TERT: variants seen among roughly 807,000 people sequenced by gnomAD.
TERT encodes the protein telomerase catalytic subunit.
In TERT, 42 loss-of-function variants were observed where a neutral mutation model predicts 104.0. That is an observed-to-expected ratio of 0.40 (90% CI 0.32 to 0.52). The LOEUF is 0.52. Ranked by LOEUF, TERT falls within the 20% of genes least tolerant of loss-of-function variation. The probability of loss-of-function intolerance (pLI) is 0.43; values close to 1 mark genes in which losing one functional copy is unlikely to be tolerated. For missense variants in TERT, 1,101 were observed against 1,610.3 expected (o/e 0.68, Z 5.41); for synonymous variants, 781 against 725.6 (o/e 1.08, Z -1.23).
At chr5:1,271,565 C>A (rs1749037819) in intron 7 of TERT, among the ~76,000 whole-genome samples, 1 of 151,762 alleles carries the variant, frequency 6.6e-6, no homozygotes, top group Admixed American at 6.6e-5. Flanking sequence ...ACCCTGGGAG[C>A]CAAGGAAATT....
intron 2 of TERT, among the ~76,000 whole-genome samples, chr5:1,290,171 G>A (rs577508248): frequency 1.1e-5 from 1 of 87,188 alleles, no homozygotes; most frequent in Non-Finnish European, 2.1e-5. Context: ...GGGACACCCG[G>A]GGACAGTGCC....
rs572330174 is a variant in TERT, at chr5:1,278,239, G to A, written c.2286+402C>T. ...CCCGAGAGCGTGAGGACAATGGTGCGGACCATGCCTGGAGGAGGAAGGAGT... is the reference window on the plus strand; with the variant it reads ...CCCGAGAGCGTGAGGACAATGGTGCAGACCATGCCTGGAGGAGGAAGGAGT... On this transcript the variant is annotated intron_variant, in intron 6 of 15. Transcript: ENST00000310581. 7.2e-5 allele frequency among the ~76,000 whole-genome samples: 11 copies of A among 152,288 alleles called. No homozygotes were observed. In the East Asian group the frequency reaches 9.6e-4, roughly 13 times the overall value.
intron 1 of TERT, 43 bp from the exon 2 acceptor site, chr5:1,294,709 T>G: frequency 6.3e-7 from 1 of 1,578,212 alleles, no homozygotes; most frequent in South Asian, 1.1e-5. Flanking sequence ...GCTCTCCGCA[T>G]GTCGCTGGTT....
At chr5:1,266,435 TC>T (rs1748608404) in intron 10 of TERT, 28 bp downstream of exon 10, 2 of 1,579,544 alleles carry the variant, frequency 1.3e-6, no homozygotes, top group Middle Eastern at 1.7e-4. Context: ...GCTGTGGAGG[TC>T]CCCACAGACA....
At chr5:1,290,112 C>A (rs1750786342) in intron 2 of TERT, among the ~76,000 whole-genome samples, 1 of 74,888 alleles carries the variant, frequency 1.3e-5, no homozygotes, top group Admixed American at 1.2e-4. Flanking sequence ...TCACCCTGCA[C>A]GTGACAGGGA....
At position 1,268,673 on chromosome 5, in the gene TERT, G is replaced by T; in HGVS notation, c.2469-40C>A. ...CACAGGTGAGAGACGGGCAGGGCAT[G>T]TGCTGGACATGCGTACACTCAAACC... On this transcript the variant is annotated intron_variant, in intron 8 of 15. Transcript: ENST00000310581. The surrounding 1 kb of genome is among the most constrained non-coding windows in gnomAD (Gnocchi z 5.5). The T allele has an allele frequency of 1.4e-6, 2 of 1,458,924 alleles. No individual in the cohort carries two copies. Among genetic ancestry groups the T allele is most frequent in the Non-Finnish European group, 1.9e-6 (2 of 1,041,320 alleles). The allele number at this position is 1,458,924 out of a possible 1,614,324, so 90.4% of individuals were successfully genotyped here.
At position 1,288,222 on chromosome 5, in the gene TERT, C is replaced by T. The variant is rs1290288281; in HGVS notation, c.1573+5091G>A. On this transcript the variant is annotated intron_variant, in intron 2 of 15. Transcript: ENST00000310581. The surrounding 1 kb of genome is among the most constrained non-coding windows in gnomAD (Gnocchi z 5.3). ...AACACTTTGAAGTATTTTAAGAACA[C>T]TTGAAAGTGGCTGATGTTGAGATTA... 6.6e-6 allele frequency among the ~76,000 whole-genome samples: 1 copy of T among 152,080 alleles called. No homozygotes were observed. The highest frequency in any genetic ancestry group is 1.5e-5 in the Non-Finnish European group (1 of 68,008).
At chr5:1,280,039 G>T in intron 4 of TERT, 119 bp downstream of exon 4, 2 of 1,348,988 alleles carry the variant, frequency 1.5e-6, no homozygotes, top group Non-Finnish European at 2.1e-6. Flanking sequence ...TTGGCGCCGT[G>T]CCATGGCCCT....
chr5:1,278,103 C>T (rs1642990638), intron 6 of TERT, among the ~76,000 whole-genome samples: 1 of 152,198 alleles, frequency 6.6e-6, no homozygotes, highest in Non-Finnish European at 1.5e-5. Flanking sequence ...ACCAGCATCC[C>T]TACTCTCCTC....
At position 1,273,958 on chromosome 5, in the gene TERT, G is replaced by A. The variant is rs561947207; in HGVS notation, c.2287-1678C>T. Among the ~76,000 whole-genome samples the A allele has an allele frequency of 1.6e-3, 239 of 152,342 alleles. 1 individual carries two copies. The South Asian group carries it at 0.022, about 14-fold the overall frequency. On this transcript the variant is annotated intron_variant, in intron 6 of 15. Transcript: ENST00000310581. ...AGGCAGGAGAAGAGTCTGAAGACGC[G>A]GGAGAGAGACCGGCACCCCCACCTC... is the stretch of plus-strand genomic sequence containing the variant.
chr5:1,281,500 T>C (rs1171641470), intron 3 of TERT, among the ~76,000 whole-genome samples: 2 of 152,232 alleles, frequency 1.3e-5, no homozygotes, highest in Non-Finnish European at 2.9e-5. Context: ...GCTAATACCA[T>C]GGCCTGGGCT....
Position 1,289,299 on chromosome 5 carries a change from C to G in TERT, c.1573+4014G>C, listed in dbSNP as rs1337716084. ...TGAGAGGGACACCCAGGGACGGCGC[C>G]TCACTCACCCTACACGTGACAGAGA... is the stretch of plus-strand genomic sequence containing the variant. On this transcript the variant is annotated intron_variant, in intron 2 of 15. Coordinates refer to ENST00000310581, the MANE Select transcript of TERT (RefSeq NM_198253.3). 3.4e-4 allele frequency among the ~76,000 whole-genome samples: 49 copies of G among 144,400 alleles called. 1 individual carries two copies. Among genetic ancestry groups the G allele is most frequent in the African/African-American group, 1.2e-3 (46 of 38,442 alleles). The allele number at this position is 144,400 out of a possible 152,430, so 94.7% of individuals were successfully genotyped here.
In TERT at chr5:1,293,500, G is replaced by A. The variant is rs1198114367; in HGVS notation, c.1386C>T (p.Tyr462=). 2.5e-6 allele frequency: 4 copies of A among 1,582,088 alleles called. No individual in the cohort carries two copies. The highest frequency in any genetic ancestry group is 1.8e-5 in the Admixed American group (1 of 54,950). The change falls in exon 2 of 16, where the codon TAC becomes TAT. Residue 462 remains tyrosine (Y), a synonymous_variant. Coordinates refer to ENST00000310581, the MANE Select transcript of TERT (RefSeq NM_198253.3). ...LRQHSSPWQV[Y]GFVRACLRRL... ...GGCGCAGGCAGGCCCGCACGAAGCC[G>A]TACACCTGCCAGGGGCTGCTGTGCT...
In TERT at chr5:1,282,296, G is replaced by A. The variant is rs1049534306; in HGVS notation, c.1769+133C>T. 98 of 916,716 alleles carry A rather than the reference G, an allele frequency of 1.1e-4. 1 individual carries two copies. In the African/African-American group the frequency reaches 1.5e-3, roughly 14 times the overall value. The allele number at this position is 916,716 out of a possible 1,614,324, so 56.8% of individuals were successfully genotyped here. A position where few individuals can be genotyped will look rare whatever the true frequency, so the allele number is the denominator to read the frequency against. On this transcript the variant is annotated intron_variant, in intron 3 of 15. Coordinates refer to ENST00000310581, the MANE Select transcript of TERT (RefSeq NM_198253.3). ...CAGAATCCACTTGGACCAGGCCTGTGACGGGGCCCCTGGCTCCCAGCCCAG... is the reference window on the plus strand; with the variant it reads ...CAGAATCCACTTGGACCAGGCCTGTAACGGGGCCCCTGGCTCCCAGCCCAG...
intron 2 of TERT, among the ~76,000 whole-genome samples, chr5:1,291,612 C>A (rs1398818215): frequency 6.1e-5 from 8 of 131,700 alleles, no homozygotes; most frequent in Admixed American, 1.5e-4. Context: ...CAGTGCCTCA[C>A]TCACCCTGCA....
chr5:1,294,520 G>C lies in TERT; in HGVS notation c.366C>G (p.Tyr122Ter), dbSNP rs1272884946. 1 of 1,578,996 alleles carries C rather than the reference G, an allele frequency of 6.3e-7. No homozygotes were observed. The highest frequency in any genetic ancestry group is 1.1e-5 in the South Asian group (1 of 88,404). Residue 122 changes from tyrosine to a stop codon, truncating the protein, a stop_gained, in exon 2 of 16, where the codon TAC becomes TAG. Coordinates refer to ENST00000310581, the MANE Select transcript of TERT (RefSeq NM_198253.3). LOFTEE classifies it high-confidence loss of function. ...GTGCGTCGGTCACCGTGTTGGGCAG[G>C]TAGCTGCGCACGCTGGTGGTGAAGG... is the stretch of plus-strand genomic sequence containing the variant. ...PEAFTTSVRSYLPNTVTDALR... is the reference protein window; with the variant it reads ...PEAFTTSVRS
chr5:1,266,071 G>C (rs1488040923), intron 10 of TERT, among the ~76,000 whole-genome samples: 2 of 152,182 alleles, frequency 1.3e-5, no homozygotes, highest in Non-Finnish European at 2.9e-5. Context: ...CTCTCCGCAG[G>C]CTCAGGTGCA....
At chr5:1,283,470 C>A (rs1750207824) in intron 2 of TERT, among the ~76,000 whole-genome samples, 1 of 145,926 alleles carries the variant, frequency 6.9e-6, no homozygotes, top group Non-Finnish European at 1.5e-5. Flanking sequence ...GGCCTGGTGA[C>A]CTCACCCCGG....
chr5:1,275,876 C>T (rs1384266434), intron 6 of TERT, among the ~76,000 whole-genome samples: 15 of 135,920 alleles, frequency 1.1e-4, no homozygotes, highest in East Asian at 2.4e-4. Context: ...GAAAACCAAT[C>T]CCACAGATCC....
Sources: gnomAD v4.1 joint callset for allele counts (sites outside exome capture counted in the v4.1 genomes callset) on GRCh38, gnomAD v4.1.1 for gene constraint, Gnocchi (gnomAD v3.1) non-coding constraint, MANE v1.5 for transcripts, NCBI Gene and HGNC (gene_info 2026-07-23, HGNC 2026-07-21) for gene names.